Variants in PCBD2 observed in about 807,000 individuals in gnomAD.
PCBD2 encodes the protein pterin-4 alpha-carbinolamine dehydratase 2, also known as pterin-4-alpha-carbinolamine dehydratase 2.
Under a neutral mutation model 16.4 loss-of-function variants are expected in PCBD2, and 12 were observed. The observed-to-expected ratio is 0.73, with a 90% CI of 0.47 to 1.19. The LOEUF is 1.19. Ranked by LOEUF, PCBD2 falls within the 50% of genes most tolerant of loss-of-function variation. The pLI, the probability that PCBD2 is intolerant of heterozygous loss-of-function variation, is 0.00. For missense variants in PCBD2, 138 were observed against 156.8 expected (o/e 0.88, Z 0.64); for synonymous variants, 58 against 61.8 (o/e 0.94, Z 0.29).
intron 3 of PCBD2, 65 bp downstream of exon 3, chr5:134,959,185 T>G: frequency 8.4e-7 from 1 of 1,193,318 alleles, no homozygotes; most frequent in East Asian, 2.4e-5. Flanking sequence ...CTTTCTTCCT[T>G]GTCATCTTGT....
chr5:134,926,517 T>C, intron 2 of PCBD2: 1 of 395,404 alleles, frequency 2.5e-6, no homozygotes, highest in Non-Finnish European at 4.5e-6. Flanking sequence ...GGATGGCTGT[T>C]ATCCTTTAAA....
chr5:134,922,694 G>A (rs202227301), intron 2 of PCBD2, among the ~76,000 whole-genome samples: 8 of 146,828 alleles, frequency 5.4e-5, no homozygotes, highest in African/African-American at 1.0e-4. Context: ...ACGGAGTCTC[G>A]CTCTGTCACC....
intron 2 of PCBD2, among the ~76,000 whole-genome samples, chr5:134,939,225 G>A (rs763351788): frequency 6.6e-6 from 1 of 152,002 alleles, no homozygotes; most frequent in African/African-American, 2.4e-5. Flanking sequence ...TCATCATTCA[G>A]TACCGTCCTG....
At position 134,910,325 on chromosome 5, in the gene PCBD2, C is replaced by T. The variant is rs1750752555; in HGVS notation, c.85-10C>T. 3.1e-6 allele frequency: 5 copies of T among 1,610,726 alleles called. No individual in the cohort carries two copies. Among genetic ancestry groups the T allele is most frequent in the East Asian group, 2.2e-5 (1 of 44,810 alleles). On this transcript the variant is annotated splice_polypyrimidine_tract_variant and intron_variant, in intron 1 of 3. Coordinates refer to ENST00000254908, the MANE Select transcript of PCBD2 (RefSeq NM_032151.5). Reference sequence around the variant, plus strand: ...TACATTTTCAGATATGAAATGTGTTCTCTTCATAGTCATCAGGTACTCACA... The same window carrying T: ...TACATTTTCAGATATGAAATGTGTTTTCTTCATAGTCATCAGGTACTCACA...
Position 134,960,915 on chromosome 5 carries a change from T to C in PCBD2, c.*234T>C. On this transcript the variant is annotated 3_prime_UTR_variant, in exon 4 of 4. Transcript: ENST00000254908. ...CTGAGTAGCTGGGATTACAAGCACG[T>C]GTCACCACGCCTGGCTAATTTTTGT... The C allele has an allele frequency of 2.7e-6, 1 of 372,526 alleles. No homozygotes were observed. Among genetic ancestry groups the C allele is most frequent in the South Asian group, 3.1e-5 (1 of 32,022 alleles). 23.1% of individuals were successfully genotyped at this position (372,526 alleles called of 1,614,324 possible).
chr5:134,905,326 G>A (rs1750671608), intron 1 of PCBD2, 103 bp downstream of exon 1: 6 of 1,052,878 alleles, frequency 5.7e-6, no homozygotes, highest in Non-Finnish European at 7.2e-6. Flanking sequence ...CGAACCCGGC[G>A]TGGGCCGAGC....
At chr5:134,939,521 A>C (rs541872485) in intron 2 of PCBD2, among the ~76,000 whole-genome samples, 1 of 152,130 alleles carries the variant, frequency 6.6e-6, no homozygotes, top group Non-Finnish European at 1.5e-5. Context: ...TGTCTGTTCA[A>C]AAAAACCAGA....
chr5:134,944,485 A>G (rs962825298), intron 2 of PCBD2, among the ~76,000 whole-genome samples: 2 of 152,022 alleles, frequency 1.3e-5, no homozygotes, highest in African/African-American at 4.8e-5. Context: ...TTTGGCTCAG[A>G]GTTAAGCCCT....
intron 2 of PCBD2, among the ~76,000 whole-genome samples, chr5:134,928,924 A>G (rs1751057653): frequency 6.6e-6 from 1 of 152,146 alleles, no homozygotes; most frequent in Non-Finnish European, 1.5e-5. Flanking sequence ...AGGGATCAAG[A>G]TTTCTGGTTT....
Position 134,910,369 on chromosome 5 carries a change from G to A in PCBD2, c.119G>A (p.Arg40Lys), listed in dbSNP as rs1312845688. Residue 40 changes from arginine (R) to lysine (K), a missense_variant, in exon 2 of 4, where the codon AGG becomes AAG. By Grantham distance (26) the Arg-to-Lys change is conservative (BLOSUM62 2). Transcript: ENST00000254908. ...ACTCACAGGTTGACTGCAGAGGAGAGGAACCAAGCTATACTTGACCTTAAA... is the reference window on the plus strand; with the variant it reads ...ACTCACAGGTTGACTGCAGAGGAGAAGAACCAAGCTATACTTGACCTTAAA... ...SGTHRLTAEERNQAILDLKAA... is the reference protein window; with the variant it reads ...SGTHRLTAEEKNQAILDLKAA... 1 of 1,614,038 alleles carries A rather than the reference G, an allele frequency of 6.2e-7. No homozygotes were observed. The highest frequency in any genetic ancestry group is 8.5e-7 in the Non-Finnish European group (1 of 1,179,894).
At chr5:134,910,602 T>C (rs1750756514) in intron 2 of PCBD2, 136 bp downstream of exon 2, 4 of 1,109,016 alleles carry the variant, frequency 3.6e-6, no homozygotes, top group Non-Finnish European at 5.1e-6. Context: ...AATTCAGTGA[T>C]AGAGTGACAT....
At chr5:134,926,997 C>T in intron 2 of PCBD2, 1 of 398,246 alleles carries the variant, frequency 2.5e-6, no homozygotes, top group Non-Finnish European at 4.4e-6. Context: ...GGTTTGAAGT[C>T]CTTGAGAGAG....
chr5:134,937,935 T>A (rs1392256080), intron 2 of PCBD2, among the ~76,000 whole-genome samples: 1 of 152,244 alleles, frequency 6.6e-6, no homozygotes, highest in Admixed American at 6.5e-5. Flanking sequence ...TTTTTTCTTT[T>A]GTTGGTTTCT....
chr5:134,936,738 T>G (rs1404722975), intron 2 of PCBD2, among the ~76,000 whole-genome samples: 1 of 152,090 alleles, frequency 6.6e-6, no homozygotes, highest in Non-Finnish European at 1.5e-5. Flanking sequence ...ACCTTTAAGA[T>G]CCCCGAATTT....
At chr5:134,955,103 A>C (rs193161676) in intron 2 of PCBD2, among the ~76,000 whole-genome samples, 2 of 151,768 alleles carry the variant, frequency 1.3e-5, no homozygotes, top group East Asian at 3.9e-4. Context: ...AGGATTTTTT[A>C]ATCTTCCGAG....
intron 2 of PCBD2, among the ~76,000 whole-genome samples, chr5:134,936,911 T>C (rs1561912186): frequency 6.6e-6 from 1 of 152,152 alleles, no homozygotes; most frequent in East Asian, 1.9e-4. Flanking sequence ...GAAGTGCACA[T>C]TGCCAGATTT....
At chr5:134,960,098 T>C (rs780373683) in intron 3 of PCBD2, among the ~76,000 whole-genome samples, 2 of 152,018 alleles carry the variant, frequency 1.3e-5, no homozygotes, top group Non-Finnish European at 2.9e-5. Context: ...CAGGGTGGTC[T>C]CAAACTCCTG....
intron 2 of PCBD2, among the ~76,000 whole-genome samples, chr5:134,951,279 A>G (rs950191540): frequency 1.3e-5 from 2 of 152,066 alleles, no homozygotes; most frequent in African/African-American, 4.8e-5. Context: ...TTCATGAACT[A>G]TTGTTATGCA....
chr5:134,961,401 A>G lies in PCBD2; in HGVS notation c.*720A>G, dbSNP rs1462748686. 6.7e-6 allele frequency: 1 copy of G among 149,306 alleles called. No homozygotes were observed. Among genetic ancestry groups the G allele is most frequent in the Non-Finnish European group, 1.5e-5 (1 of 67,384 alleles). The allele number at this position is 149,306 out of a possible 1,614,324, so 9.2% of individuals were successfully genotyped here. ...CCCAGGTTCAAATGATTCTCCTGCC[A>G]CAGCCTCCCGAGTAGCTGGGACTAT... On this transcript the variant is annotated 3_prime_UTR_variant, in exon 4 of 4. Transcript: ENST00000254908.
Sources: gnomAD v4.1 joint callset for allele counts (sites outside exome capture counted in the v4.1 genomes callset) on GRCh38, gnomAD v4.1.1 for gene constraint, MANE v1.5 for transcripts, NCBI Gene and HGNC (gene_info 2026-07-23, HGNC 2026-07-21) for gene names.